GRM4: variants seen among roughly 807,000 people sequenced by gnomAD.
GRM4 encodes metabotropic glutamate receptor 4.
A neutral mutation model predicts 81.7 loss-of-function variants in GRM4; 28 were observed. The observed-to-expected ratio is 0.34, with a 90% CI of 0.25 to 0.47. The LOEUF is 0.47. Among genes scored for constraint, GRM4 ranks in the 20% least tolerant of loss-of-function variants. The pLI is 1.00. For missense variants in GRM4, 948 were observed against 1,290.0 expected, an observed-to-expected ratio of 0.73 and a Z score of 4.06; for synonymous variants, 488 against 528.8, an observed-to-expected ratio of 0.92 and a Z score of 1.06.
In GRM4 at chr6:34,036,049, C is replaced by T. The variant is rs142323772; in HGVS notation, c.2061G>A (p.Ser687=). The change falls in exon 9 of 11, where the codon TCG becomes TCA. Residue 687 remains serine, a synonymous_variant. Transcript: ENST00000538487. This position sits in a 1 kb window ranked among gnomAD's most constrained non-coding sequence, Gnocchi z 9.0. ...GGCTGATGAAGCGTGGGGCACTGAC[C>T]GAGCGCTTGCCCTGCTCGAAGATGC... ...IYRIFEQGKR[S]VSAPRFISPA... 8.1e-5 allele frequency: 130 copies of T among 1,614,094 alleles called. 1 individual carries two copies. The highest frequency in any genetic ancestry group is 6.7e-4 in the African/African-American group (50 of 75,054).
intron 3 of GRM4, among the ~76,000 whole-genome samples, chr6:34,083,170 C>T (rs1243064067): frequency 2.6e-5 from 4 of 152,140 alleles, no homozygotes; most frequent in Non-Finnish European, 5.9e-5. Context: ...AGCATGTCCC[C>T]GTCTGGACGA....
Position 34,028,277 on chromosome 6 carries a change from G to A in GRM4, c.2532C>T (p.Ile844=), listed in dbSNP as rs762697734. The A allele has an allele frequency of 5.6e-6, 9 of 1,614,026 alleles. No individual in the cohort carries two copies. Among genetic ancestry groups the A allele is most frequent in the Middle Eastern group, 1.6e-4 (1 of 6,062 alleles). The change falls in exon 10 of 11, where the codon ATC becomes ATT. Residue 844 remains isoleucine, a synonymous_variant. Coordinates refer to ENST00000538487, the MANE Select transcript of GRM4 (RefSeq NM_000841.4). ...LGMLYMPKVY[I]ILFHPEQNVP... Reference sequence around the variant, plus strand: ...CGTTCTGCTCCGGGTGGAAGAGGATGATGTAGACTTTGGGCATGTAGAGCA... The same window carrying A: ...CGTTCTGCTCCGGGTGGAAGAGGATAATGTAGACTTTGGGCATGTAGAGCA...
chr6:34,080,863 CATACATAT>C lies in GRM4; in HGVS notation c.736+11012_736+11019del, dbSNP rs1302668447. Among the ~76,000 whole-genome samples the C allele has an allele frequency of 6.2e-4, 80 of 128,500 alleles. No individual in the cohort carries two copies. Among genetic ancestry groups the C allele is most frequent in the South Asian group, 4.4e-3 (17 of 3,898 alleles). 84.3% of individuals were successfully genotyped at this position (128,500 alleles called of 152,430 possible). A position where few individuals can be genotyped will look rare whatever the true frequency, so the allele number is the denominator to read the frequency against. The stretch of plus-strand genomic sequence containing the variant: ...ACACACACATACACACACACATACA[CATACATAT>C]ACACACACACACACACACAACCCTT... On this transcript the variant is annotated intron_variant, in intron 3 of 10. Transcript: ENST00000538487. The surrounding 1 kb of genome is among the most constrained non-coding windows in gnomAD (Gnocchi z 5.4).
chr6:34,096,540 G>A lies in GRM4; in HGVS notation c.520-4441C>T, dbSNP rs917117350. Among the ~76,000 whole-genome samples, 10 of 152,362 alleles carry A rather than the reference G, an allele frequency of 6.6e-5. No individual in the cohort carries two copies. In the South Asian group the frequency reaches 1.2e-3, roughly 19 times the overall value. On this transcript the variant is annotated intron_variant, in intron 2 of 10. Transcript: ENST00000538487. ...CCCCACCTTGTGCAGGCAAGGCCACGTGGAGAGATGCAGAGTTGAACTAGA... is the reference window on the plus strand; with the variant it reads ...CCCCACCTTGTGCAGGCAAGGCCACATGGAGAGATGCAGAGTTGAACTAGA...
rs1327205366 is a variant in GRM4 at position 34,092,336 on chromosome 6, C to T, written c.520-237G>A. Among the ~76,000 whole-genome samples, 17 of 152,186 alleles carry T rather than the reference C, an allele frequency of 1.1e-4. No homozygotes were observed. The highest frequency in any genetic ancestry group is 1.5e-5 in the Non-Finnish European group (1 of 68,026). Reference sequence around the variant, plus strand: ...ACACACAGGCACACACATACATACACCACACACACATACACCCTGGGAGCC... The same window carrying T: ...ACACACAGGCACACACATACATACATCACACACACATACACCCTGGGAGCC... On this transcript the variant is annotated intron_variant, in intron 2 of 10. Coordinates refer to ENST00000538487, the MANE Select transcript of GRM4 (RefSeq NM_000841.4). The surrounding 1 kb of genome is among the most constrained non-coding windows in gnomAD (Gnocchi z 6.8).
At chr6:34,151,738 C>T (rs1771051427) in intron 1 of GRM4, among the ~76,000 whole-genome samples, 1 of 130,084 alleles carries the variant, frequency 7.7e-6, no homozygotes, top group Non-Finnish European at 1.7e-5. Context: ...CTTCCTCAGA[C>T]CCTCCAATCC....
chr6:34,035,972 C>T lies in GRM4; in HGVS notation c.2138G>A (p.Gly713Asp). 6.2e-7 allele frequency: 1 copy of T among 1,613,546 alleles called. No homozygotes were observed. The highest frequency in any genetic ancestry group is 8.5e-7 in the Non-Finnish European group (1 of 1,179,588). ...GTCCACCACAAACCACACACAGATG[C>T]CCAGCAGCTGCAGCGAGATGAGGCT... Reference protein sequence around the residue: ...TFSLISLQLLGICVWFVVDPS... With the variant: ...TFSLISLQLLDICVWFVVDPS... The change falls in exon 9 of 11, where the codon GGC becomes GAC. Residue 713 changes from glycine (G) to aspartate (D), a missense_variant. Physicochemically the swap from Gly to Asp is moderately conservative, Grantham distance 94. Coordinates refer to ENST00000538487, the MANE Select transcript of GRM4 (RefSeq NM_000841.4). This position sits in a 1 kb window ranked among gnomAD's most constrained non-coding sequence, Gnocchi z 6.6.
In GRM4 at chr6:34,056,464, T is replaced by A; in HGVS notation, c.1168+80A>T. The A allele has an allele frequency of 2.3e-6, 3 of 1,289,402 alleles. 1 individual carries two copies. In the South Asian group the frequency reaches 3.9e-5, roughly 17 times the overall value. 79.9% of individuals were successfully genotyped at this position (1,289,402 alleles called of 1,614,324 possible). A position where few individuals can be genotyped will look rare whatever the true frequency, so the allele number is the denominator to read the frequency against. ...CGGCCGACGACAGACAAAGGGAGAC[T>A]CTCGGCCTCAGGCCCCCAGGCTCGG... On this transcript the variant is annotated intron_variant, in intron 6 of 10. Transcript: ENST00000538487.
At chr6:34,132,169 G>A (rs967748354) in intron 2 of GRM4, among the ~76,000 whole-genome samples, 38 of 152,190 alleles carry the variant, frequency 2.5e-4, no homozygotes, top group African/African-American at 7.0e-4. Flanking sequence ...GAAAGGAGGC[G>A]GCAAGGAGGG....
At chr6:34,101,513 C>T (rs1249193494) in intron 2 of GRM4, among the ~76,000 whole-genome samples, 1 of 152,238 alleles carries the variant, frequency 6.6e-6, no homozygotes, top group African/African-American at 2.4e-5. Context: ...TACACACACA[C>T]ACTGAGAATC....
At chr6:34,135,639 G>T (rs998491081) in intron 1 of GRM4, among the ~76,000 whole-genome samples, 1 of 152,242 alleles carries the variant, frequency 6.6e-6, no homozygotes, top group African/African-American at 2.4e-5. Flanking sequence ...AAAATACAAG[G>T]CGGGGAGCTG....
chr6:34,056,467 C>A (rs1229956744), intron 6 of GRM4, 77 bp downstream of exon 6: 3 of 1,320,158 alleles, frequency 2.3e-6, no homozygotes, highest in Non-Finnish European at 3.2e-6. Flanking sequence ...GGGAGACTCT[C>A]GGCCTCAGGC....
At chr6:34,098,593 G>C (rs1181953998) in intron 2 of GRM4, among the ~76,000 whole-genome samples, 1 of 152,252 alleles carries the variant, frequency 6.6e-6, no homozygotes, top group East Asian at 1.9e-4. Context: ...CACGGGGCCA[G>C]CACAAGCCCC....
rs879579000 is a variant in GRM4 at position 34,069,202 on chromosome 6, A to ACACG, written c.737-7178_737-7175dup. On this transcript the variant is annotated intron_variant, in intron 3 of 10. Coordinates refer to ENST00000538487, the MANE Select transcript of GRM4 (RefSeq NM_000841.4). This position sits in a 1 kb window ranked among gnomAD's most constrained non-coding sequence, Gnocchi z 6.4. ...CACACACACACACACACACACACAC[A>ACACG]CACGCACGCACACACGGCTCCTTCC... Among the ~76,000 whole-genome samples the ACACG allele has an allele frequency of 7.4e-4, 106 of 142,284 alleles. No homozygotes were observed. The highest frequency in any genetic ancestry group is 2.4e-3 in the African/African-American group (83 of 35,074). The allele number at this position is 142,284 out of a possible 152,430, so 93.3% of individuals were successfully genotyped here.
At chr6:34,109,507 A>G (rs1769279681) in intron 2 of GRM4, among the ~76,000 whole-genome samples, 1 of 152,180 alleles carries the variant, frequency 6.6e-6, no homozygotes, top group South Asian at 2.1e-4. Context: ...CCCGGGCACC[A>G]GCAGACAATG....
At chr6:34,138,853 G>A (rs1255537772) in intron 1 of GRM4, among the ~76,000 whole-genome samples, 3 of 152,176 alleles carry the variant, frequency 2.0e-5, no homozygotes, top group East Asian at 3.9e-4. Context: ...AGGGCCTCTC[G>A]TTCAAGTAAT....
chr6:34,154,642 G>A (rs73744836), intron 1 of GRM4, among the ~76,000 whole-genome samples: 2,239 of 149,510 alleles, frequency 0.015, 45 homozygotes, highest in African/African-American at 0.051. Context: ...TAGACTTCAG[G>A]AAGCTCGTGG....
At chr6:34,038,683 T>TCC (rs11449683) in intron 8 of GRM4, among the ~76,000 whole-genome samples, 2 of 151,594 alleles carry the variant, frequency 1.3e-5, no homozygotes, top group South Asian at 2.1e-4. Flanking sequence ...CCATCTCACC[T>TCC]CCCCCCACCA....
intron 2 of GRM4, among the ~76,000 whole-genome samples, chr6:34,129,363 T>C (rs898045529): frequency 1.3e-5 from 2 of 152,138 alleles, no homozygotes; most frequent in Non-Finnish European, 2.9e-5. Flanking sequence ...ATAACTGACA[T>C]GGTAAGTGGA....
Sources: gnomAD v4.1 joint callset for allele counts (sites outside exome capture counted in the v4.1 genomes callset) on GRCh38, gnomAD v4.1.1 for gene constraint, Gnocchi (gnomAD v3.1) non-coding constraint, MANE v1.5 for transcripts, NCBI Gene and HGNC (gene_info 2026-07-23, HGNC 2026-07-21) for gene names.